ELK3: variants seen among roughly 807,000 people sequenced by gnomAD.
ELK3 encodes the protein ETS transcription factor ELK3, also known as ETS domain-containing protein Elk-3.
ELK3 carries 10 observed loss-of-function variants against 28.9 expected under a neutral mutation model. The observed-to-expected ratio is 0.35, with a 90% CI of 0.21 to 0.59. The LOEUF is 0.59. Among genes scored for constraint, ELK3 ranks in the 20% least tolerant of loss-of-function variants. The pLI is 0.82. For synonymous variants in ELK3, 272 were observed against 243.5 expected (o/e 1.12, Z -1.09); for missense variants, 463 against 517.3 (o/e 0.90, Z 1.02).
intron 3 of ELK3, among the ~76,000 whole-genome samples, chr12:96,249,081 CTAT>C (rs1467776944): frequency 6.6e-6 from 1 of 152,174 alleles, no homozygotes; most frequent in Non-Finnish European, 1.5e-5. Context: ...TGAGCCTGTG[CTAT>C]TATTATCATC....
intron 1 of ELK3, chr12:96,213,728 T>A (rs1565779138): frequency 6.6e-6 from 1 of 152,182 alleles, no homozygotes; most frequent in Admixed American, 6.5e-5. Flanking sequence ...TCTCTCTTTT[T>A]TTTTGTTTTG....
intron 3 of ELK3, among the ~76,000 whole-genome samples, chr12:96,250,539 G>A (rs1951896741): frequency 6.6e-6 from 1 of 152,214 alleles, no homozygotes; most frequent in Non-Finnish European, 1.5e-5. Context: ...TCAGTAGTTT[G>A]TCTTCCAGGT....
At chr12:96,249,529 A>G (rs1272611358) in intron 3 of ELK3, among the ~76,000 whole-genome samples, 1 of 152,190 alleles carries the variant, frequency 6.6e-6, no homozygotes, top group Non-Finnish European at 1.5e-5. Flanking sequence ...CTCCTGATGT[A>G]GCTCAGGGGA....
At chr12:96,196,195 GC>G (rs2136995253) in intron 1 of ELK3, among the ~76,000 whole-genome samples, 1 of 152,334 alleles carries the variant, frequency 6.6e-6, no homozygotes, top group African/African-American at 2.4e-5. Flanking sequence ...CAGCCTGGGA[GC>G]CCGGCGCTGG....
chr12:96,214,200 G>A (rs1055185907), intron 1 of ELK3, among the ~76,000 whole-genome samples: 3 of 152,182 alleles, frequency 2.0e-5, no homozygotes, highest in African/African-American at 7.2e-5. Flanking sequence ...GGAGGCCGAG[G>A]TGGGTGGATC....
intron 1 of ELK3, among the ~76,000 whole-genome samples, chr12:96,196,678 C>A (rs566032648): frequency 2.0e-4 from 30 of 151,328 alleles, no homozygotes; most frequent in Middle Eastern, 3.4e-3. Context: ...GCCTAGAAAC[C>A]CCCCTGAGTT....
chr12:96,198,615 A>G (rs1376299521), intron 1 of ELK3, among the ~76,000 whole-genome samples: 1 of 152,252 alleles, frequency 6.6e-6, no homozygotes, highest in Non-Finnish European at 1.5e-5. Flanking sequence ...ATGCTAGCAG[A>G]ATAGTATCTT....
At chr12:96,231,518 G>C (rs1951741628) in intron 2 of ELK3, among the ~76,000 whole-genome samples, 1 of 152,126 alleles carries the variant, frequency 6.6e-6, no homozygotes. Context: ...TGGAGACACA[G>C]TTTCACTCCT....
rs747025068 is a variant in ELK3 at position 96,246,960 on chromosome 12, C to A, written c.228C>A (p.Ile76=). 6.3e-7 allele frequency: 1 copy of A among 1,597,970 alleles called. No individual in the cohort carries two copies. The highest frequency in any genetic ancestry group is 1.7e-5 in the Admixed American group (1 of 57,484). The change falls in exon 3 of 5, where the codon ATC becomes ATA. Residue 76 remains isoleucine, a synonymous_variant. Transcript: ENST00000228741. ...TGCAGAACATCATCAAGAAGGTGAT[C>A]GGGCAGAAGTTTGTGTACAAGTTTG... ...YYDKNIIKKV[I]GQKFVYKFVS...
At position 96,268,160 on chromosome 12, in the gene ELK3, AGTG is replaced by A. The variant is rs1054570350; in HGVS notation, c.*984_*986del. On this transcript the variant is annotated 3_prime_UTR_variant, in exon 5 of 5. Transcript: ENST00000228741. ...CTAATGCTTTAGAAGAAGCTCACAG[AGTG>A]GTGATGAACCCAAACAACAAAGAAA... is the stretch of plus-strand genomic sequence containing the variant. 6.6e-6 allele frequency: 1 copy of A among 152,262 alleles called. No homozygotes were observed. The highest frequency in any genetic ancestry group is 2.4e-5 in the African/African-American group (1 of 41,474). 9.4% of individuals were successfully genotyped at this position (152,262 alleles called of 1,614,324 possible).
chr12:96,265,655 G>T (rs1167847907), intron 4 of ELK3, among the ~76,000 whole-genome samples: 3 of 151,900 alleles, frequency 2.0e-5, no homozygotes, highest in Non-Finnish European at 2.9e-5. Flanking sequence ...CTCCAGCCTG[G>T]GTGACAGAGC....
rs563132387 is a variant in ELK3, at chr12:96,260,706, A to G, written c.1125+853A>G. Reference sequence around the variant, plus strand: ...GTTTGAATATGTTGAGTGCAGGTGGAAAGAATCCTAGGGACAGGACTGAAG... The same window carrying G: ...GTTTGAATATGTTGAGTGCAGGTGGGAAGAATCCTAGGGACAGGACTGAAG... On this transcript the variant is annotated intron_variant, in intron 4 of 4. Transcript: ENST00000228741. Among the ~76,000 whole-genome samples the G allele has an allele frequency of 3.9e-5, 6 of 152,308 alleles. No homozygotes were observed. The South Asian group carries it at 1.2e-3, about 32-fold the overall frequency.
intron 3 of ELK3, among the ~76,000 whole-genome samples, chr12:96,249,381 G>A (rs1951885310): frequency 6.6e-6 from 1 of 152,178 alleles, no homozygotes; most frequent in South Asian, 2.1e-4. Context: ...GGTGACGCGC[G>A]CCACTGCGGA....
At chr12:96,196,256 C>T (rs1044765071) in intron 1 of ELK3, among the ~76,000 whole-genome samples, 7 of 152,158 alleles carry the variant, frequency 4.6e-5, no homozygotes, top group African/African-American at 1.7e-4. Flanking sequence ...AGCCGCCCAA[C>T]GAGCCTTTTC....
intron 2 of ELK3, among the ~76,000 whole-genome samples, chr12:96,242,363 T>C (rs1951827324): frequency 6.6e-6 from 1 of 152,154 alleles, no homozygotes; most frequent in Non-Finnish European, 1.5e-5. Context: ...ATCTCCAAAA[T>C]GGGGATAATA....
chr12:96,260,976 G>A (rs1413858408), intron 4 of ELK3, among the ~76,000 whole-genome samples: 2 of 152,194 alleles, frequency 1.3e-5, no homozygotes, highest in Admixed American at 1.3e-4. Flanking sequence ...CCAGCATCTG[G>A]CACATGGCTT....
At chr12:96,198,805 T>G (rs373212786) in intron 1 of ELK3, among the ~76,000 whole-genome samples, 3 of 152,254 alleles carry the variant, frequency 2.0e-5, no homozygotes, top group South Asian at 4.1e-4. Flanking sequence ...TATCCACACA[T>G]GCACATACCA....
intron 1 of ELK3, among the ~76,000 whole-genome samples, chr12:96,212,231 A>G (rs188338393): frequency 6.6e-6 from 1 of 152,358 alleles, no homozygotes; most frequent in East Asian, 1.9e-4. Flanking sequence ...GAATGTTACC[A>G]AGTATGAGAA....
intron 4 of ELK3, among the ~76,000 whole-genome samples, chr12:96,264,607 A>C (rs1592694507): frequency 6.6e-6 from 1 of 151,798 alleles, no homozygotes; most frequent in South Asian, 2.1e-4. Context: ...ACATAGCAAG[A>C]CCCTGTCTCT....
Sources: allele counts gnomAD v4.1 joint callset (sites outside exome capture counted in the v4.1 genomes callset), GRCh38; gene constraint gnomAD v4.1.1; transcripts MANE v1.5; gene names NCBI Gene and HGNC (gene_info 2026-07-23, HGNC 2026-07-21).